Variants in ROM1 observed in about 807,000 individuals in gnomAD.
ROM1 encodes retinal outer segment membrane protein 1.
In ROM1, 17 loss-of-function variants were observed where a neutral mutation model predicts 23.0. That is an observed-to-expected ratio of 0.74 (90% CI 0.51 to 1.11). ROM1 has a LOEUF of 1.11. ROM1 is among the 50% of genes least tolerant of loss of function. The pLI is 0.00. For synonymous variants in ROM1, 200 were observed against 206.5 expected, an observed-to-expected ratio of 0.97 and a Z score of 0.27; for missense variants, 436 against 439.7, an observed-to-expected ratio of 0.99 and a Z score of 0.08.
At chr11:62,613,955 G>C in intron 1 of ROM1, 84 bp downstream of exon 1, 7 of 1,599,526 alleles carry the variant, frequency 4.4e-6, no homozygotes, top group Non-Finnish European at 5.1e-6. Flanking sequence ...ACCTCGCTCA[G>C]AGGGGCAATA....
chr11:62,614,269 G>C lies in ROM1; in HGVS notation c.602G>C (p.Ser201Thr), dbSNP rs772974449. The C allele has an allele frequency of 6.2e-7, 1 of 1,613,952 alleles. No homozygotes were observed. The highest frequency in any genetic ancestry group is 8.5e-7 in the Non-Finnish European group (1 of 1,180,010). Reference sequence around the variant, plus strand: ...CCCTCCCTTTGCAGCCGGATCCAGAGCAATGTAGAAGGCCTATACCTGACT... The same window carrying C: ...CCCTCCCTTTGCAGCCGGATCCAGACCAATGTAGAAGGCCTATACCTGACT... ...GDRDVADRIQ[S>T]NVEGLYLTDG... is the part of the protein sequence containing the mutation. The change falls in exon 2 of 3, where the codon AGC (serine) becomes ACC (threonine). Residue 201 changes from serine to threonine, a missense_variant. Coordinates refer to ENST00000278833, the MANE Select transcript of ROM1 (RefSeq NM_000327.4).
At position 62,613,392 on chromosome 11, in the gene ROM1, C is replaced by A. The variant is rs1250597643; in HGVS notation, c.111C>A (p.Leu37=). The stretch of plus-strand genomic sequence containing the variant: ...CGCTGGCTGGTGGCGTCATCCTCCT[C>A]TGTAGTGGGCACCTCCTGGTCCAGC... The part of the protein sequence containing the change: ...LLALAGGVIL[L]CSGHLLVQLR... The change falls in exon 1 of 3, where the codon CTC becomes CTA. Residue 37 remains leucine, a synonymous_variant. Coordinates refer to ENST00000278833, the MANE Select transcript of ROM1 (RefSeq NM_000327.4). The A allele has an allele frequency of 1.2e-6, 2 of 1,613,482 alleles. No individual in the cohort carries two copies.
In ROM1 at chr11:62,613,620, G is replaced by T. The variant is rs757153881; in HGVS notation, c.339G>T (p.Gly113=). Residue 113 remains glycine (G), a synonymous_variant, in exon 1 of 3, where the codon GGG becomes GGT. Coordinates refer to ENST00000278833, the MANE Select transcript of ROM1 (RefSeq NM_000327.4). ...LLVAGTAGGG[G]LLVVGLGLAL... is the part of the protein sequence containing the mutation. ...TGGCTGGCACGGCTGGTGGGGGGGG[G>T]CTCCTGGTCGTCGGCCTCGGGCTAG... 1.9e-6 allele frequency: 3 copies of T among 1,612,762 alleles called. No individual in the cohort carries two copies. Among genetic ancestry groups the T allele is most frequent in the Admixed American group, 3.3e-5 (2 of 59,944 alleles).
Position 62,613,406 on chromosome 11 carries a change from T to A in ROM1, c.125T>A (p.Leu42His), listed in dbSNP as rs774197509. The A allele has an allele frequency of 6.2e-7, 1 of 1,613,380 alleles. No homozygotes were observed. The highest frequency in any genetic ancestry group is 1.7e-5 in the Admixed American group (1 of 59,920). Residue 42 changes from leucine (L) to histidine (H), a missense_variant, in exon 1 of 3, where the codon CTC (leucine) becomes CAC (histidine). Transcript: ENST00000278833. ...GGVILLCSGH[L>H]LVQLRHLGTF... ...GTCATCCTCCTCTGTAGTGGGCACCTCCTGGTCCAGCTAAGGCACCTTGGC... is the reference window on the plus strand; with the variant it reads ...GTCATCCTCCTCTGTAGTGGGCACCACCTGGTCCAGCTAAGGCACCTTGGC...
rs1942934256 is a variant in ROM1, at chr11:62,613,348, C to T, written c.67C>T (p.Leu23Phe). The T allele has an allele frequency of 6.2e-7, 1 of 1,613,556 alleles. No homozygotes were observed. Among genetic ancestry groups the T allele is most frequent in the Non-Finnish European group, 8.5e-7 (1 of 1,179,864 alleles). Residue 23 changes from leucine to phenylalanine, a missense_variant, in exon 1 of 3, where the codon CTC (leucine) becomes TTC (phenylalanine). Leu to Phe is a conservative substitution (Grantham distance 22). Transcript: ENST00000278833. The stretch of plus-strand genomic sequence containing the variant: ...CATCCGCCTGGCACAAGGGCTCTGG[C>T]TCCTCTCCTGGCTGCTGGCGCTGGC... ...PRIRLAQGLW[L>F]LSWLLALAGG...
Position 62,614,598 on chromosome 11 carries a change from C to T in ROM1, c.838-23C>T, listed in dbSNP as rs372900255. 84 of 1,614,234 alleles carry T rather than the reference C, an allele frequency of 5.2e-5. No individual in the cohort carries two copies. The African/African-American group carries it at 9.6e-4, about 18-fold the overall frequency. On this transcript the variant is annotated intron_variant, in intron 2 of 2. Coordinates refer to ENST00000278833, the MANE Select transcript of ROM1 (RefSeq NM_000327.4). ...TTGGAACCGCTGACTCTCCCTGACT[C>T]TTTCCCCTTGCTTCCCCCACAGGCT... is the stretch of plus-strand genomic sequence containing the variant.
Position 62,613,378 on chromosome 11 carries a change from G to C in ROM1, c.97G>C (p.Gly33Arg). The C allele has an allele frequency of 6.2e-7, 1 of 1,613,626 alleles. No homozygotes were observed. The highest frequency in any genetic ancestry group is 8.5e-7 in the Non-Finnish European group (1 of 1,179,812). The change falls in exon 1 of 3, where the codon GGC becomes CGC. Residue 33 changes from glycine to arginine, a missense_variant. Physicochemically the swap from Gly to Arg is moderately radical, Grantham distance 125 (BLOSUM62 -2). Coordinates refer to ENST00000278833, the MANE Select transcript of ROM1 (RefSeq NM_000327.4). ...LLSWLLALAG[G>R]VILLCSGHLL... ...CTCCTGGCTGCTGGCGCTGGCTGGT[G>C]GCGTCATCCTCCTCTGTAGTGGGCA...
Position 62,614,371 on chromosome 11 carries a change from C to A in ROM1, c.704C>A (p.Ala235Asp). The A allele has an allele frequency of 3.1e-6, 5 of 1,614,110 alleles. No homozygotes were observed. The highest frequency in any genetic ancestry group is 2.5e-6 in the Non-Finnish European group (3 of 1,180,020). Residue 235 changes from alanine to aspartate, a missense_variant, in exon 2 of 3, where the codon GCC becomes GAC. Ala to Asp is a moderately radical substitution (Grantham distance 126). Transcript: ENST00000278833. ...CAAAACCGTCTTTCAGACTCCTACG[C>A]CCACCCCCTGTTCGATCCCCGACAA... ...CLQNRLSDSYAHPLFDPRQPN... is the reference protein window; with the variant it reads ...CLQNRLSDSYDHPLFDPRQPN...
In ROM1 at chr11:62,614,521, T is replaced by A; in HGVS notation, c.837+17T>A. ...CTACTGCAGGTGAGTCAGCAAAGCATCTGACACCTCCTCCCACCCGGGACT... is the reference window on the plus strand; with the variant it reads ...CTACTGCAGGTGAGTCAGCAAAGCAACTGACACCTCCTCCCACCCGGGACT... On this transcript the variant is annotated intron_variant, in intron 2 of 2. Coordinates refer to ENST00000278833, the MANE Select transcript of ROM1 (RefSeq NM_000327.4). 6.2e-7 allele frequency: 1 copy of A among 1,614,132 alleles called. No individual in the cohort carries two copies. Among genetic ancestry groups the A allele is most frequent in the Non-Finnish European group, 8.5e-7 (1 of 1,180,016 alleles).
At chr11:62,614,106 G>A (rs1942968868) in intron 1 of ROM1, 152 bp from the exon 2 acceptor site, 2 of 1,189,456 alleles carry the variant, frequency 1.7e-6, no homozygotes, top group South Asian at 1.3e-5. Flanking sequence ...TAGAGTTGTT[G>A]TGAAGATGTG....
In ROM1 at chr11:62,613,583, GC is replaced by G. The variant is rs747763346; in HGVS notation, c.305del (p.Pro102ArgfsTer20). 6.2e-7 allele frequency: 1 copy of G among 1,613,318 alleles called. No homozygotes were observed. Among genetic ancestry groups the G allele is most frequent in the Non-Finnish European group, 8.5e-7 (1 of 1,179,708 alleles). On this transcript the variant is annotated frameshift_variant, in exon 1 of 3. Transcript: ENST00000278833. LOFTEE classifies it high-confidence loss of function. ...ALYPPWRGVLGPLLVAGTAGG... is the reference protein window; with the variant it reads ...ALYPPWRGVLXPLLVAGTAGG... The stretch of plus-strand genomic sequence containing the variant: ...TACCCTCCCTGGCGAGGGGTCCTGG[GC>G]CCGCTGCTGGTGGCTGGCACGGCTG...
Position 62,613,744 on chromosome 11 carries a change from G to T in ROM1, c.463G>T (p.Ala155Ser), listed in dbSNP as rs748591229. 2 of 1,614,194 alleles carry T rather than the reference G, an allele frequency of 1.2e-6. No individual in the cohort carries two copies. Among genetic ancestry groups the T allele is most frequent in the Non-Finnish European group, 1.7e-6 (2 of 1,180,032 alleles). The change falls in exon 1 of 3, where the codon GCC (alanine) becomes TCC (serine). Residue 155 changes from alanine to serine, a missense_variant. Ala to Ser is a moderately conservative substitution (Grantham distance 99). Coordinates refer to ENST00000278833, the MANE Select transcript of ROM1 (RefSeq NM_000327.4). The part of the protein sequence containing the change: ...KDTEVPGHCQ[A>S]KRLVDELQLR... ...CACAGAGGTGCCTGGGCACTGTCAG[G>T]CCAAAAGGCTGGTGGATGAGCTGCA...
chr11:62,614,804 G>A lies in ROM1; in HGVS notation c.1021G>A (p.Glu341Lys), dbSNP rs1397737732. The change falls in exon 3 of 3, where the codon GAA (glutamate) becomes AAA (lysine). Residue 341 changes from glutamate (E) to lysine (K), a missense_variant. Transcript: ENST00000278833. ...AGCACCTGAGGAGGCCCCACCAGGA[G>A]AAGCACCTCCCAAGGAGGATCTATC... Reference protein sequence around the residue: ...RPAPEEAPPGEAPPKEDLSEA With the variant: ...RPAPEEAPPGKAPPKEDLSEA 3.1e-6 allele frequency: 5 copies of A among 1,614,174 alleles called. No homozygotes were observed. The highest frequency in any genetic ancestry group is 4.2e-6 in the Non-Finnish European group (5 of 1,180,018).
chr11:62,613,289 C>T lies in ROM1; in HGVS notation c.8C>T (p.Pro3Leu), dbSNP rs779471039. ...CTTGGGCAGAGATGGGAGATGGCGC[C>T]GGTGTTGCCCCTGGTGCTGCCCCTG... MA[P>L]VLPLVLPLQP... The change falls in exon 1 of 3, where the codon CCG becomes CTG. Residue 3 changes from proline to leucine, a missense_variant. By Grantham distance (98) the Pro-to-Leu change is moderately conservative. Transcript: ENST00000278833. 71 of 1,603,630 alleles carry T rather than the reference C, an allele frequency of 4.4e-5. No homozygotes were observed. Among genetic ancestry groups the T allele is most frequent in the Non-Finnish European group, 4.8e-5 (56 of 1,176,978 alleles).
rs368454807 is a variant in ROM1, at chr11:62,614,206, C to T, written c.591-52C>T. On this transcript the variant is annotated intron_variant, in intron 1 of 2. Coordinates refer to ENST00000278833, the MANE Select transcript of ROM1 (RefSeq NM_000327.4). Reference sequence around the variant, plus strand: ...GAACACCTGTGCCCTTCAGTCCCTCCCCCAGGCCTCTATCTCCAGACATCC... The same window carrying T: ...GAACACCTGTGCCCTTCAGTCCCTCTCCCAGGCCTCTATCTCCAGACATCC... 1.5e-4 allele frequency: 240 copies of T among 1,609,558 alleles called. No individual in the cohort carries two copies. In the African/African-American group the frequency reaches 2.8e-3, roughly 19 times the overall value.
chr11:62,613,291 G>C lies in ROM1; in HGVS notation c.10G>C (p.Val4Leu), dbSNP rs1942929918. 2 of 1,605,502 alleles carry C rather than the reference G, an allele frequency of 1.2e-6. No individual in the cohort carries two copies. Among genetic ancestry groups the C allele is most frequent in the Non-Finnish European group, 1.7e-6 (2 of 1,177,640 alleles). Reference sequence around the variant, plus strand: ...TGGGCAGAGATGGGAGATGGCGCCGGTGTTGCCCCTGGTGCTGCCCCTGCA... The same window carrying C: ...TGGGCAGAGATGGGAGATGGCGCCGCTGTTGCCCCTGGTGCTGCCCCTGCA... Reference protein sequence around the residue: MAPVLPLVLPLQPR... With the variant: MAPLLPLVLPLQPR... The change falls in exon 1 of 3, where the codon GTG becomes CTG. Residue 4 changes from valine (V) to leucine (L), a missense_variant. Transcript: ENST00000278833.
At position 62,614,285 on chromosome 11, in the gene ROM1, A is replaced by G; in HGVS notation, c.618A>G (p.Leu206=). The G allele has an allele frequency of 6.2e-7, 1 of 1,614,072 alleles. No individual in the cohort carries two copies. The highest frequency in any genetic ancestry group is 8.5e-7 in the Non-Finnish European group (1 of 1,180,014). The stretch of plus-strand genomic sequence containing the variant: ...GGATCCAGAGCAATGTAGAAGGCCT[A>G]TACCTGACTGATGGGGTCCCTTTCT... ...ADRIQSNVEG[L]YLTDGVPFSC... is the part of the protein sequence containing the mutation. The change falls in exon 2 of 3, where the codon CTA becomes CTG. Residue 206 remains leucine, a synonymous_variant. Transcript: ENST00000278833.
Position 62,614,684 on chromosome 11 carries a change from G to A in ROM1, c.901G>A (p.Asp301Asn). Residue 301 changes from aspartate (D) to asparagine (N), a missense_variant, in exon 3 of 3, where the codon GAT (aspartate) becomes AAT (asparagine). Transcript: ENST00000278833. ...ACTGGAGGGGCTTGGAGGGGTCATT[G>A]ATGCGGGAGGAGAGACCCAGGGCTA... ...TALEGLGGVI[D>N]AGGETQGYLF... 2 of 1,614,220 alleles carry A rather than the reference G, an allele frequency of 1.2e-6. No individual in the cohort carries two copies. The highest frequency in any genetic ancestry group is 1.7e-6 in the Non-Finnish European group (2 of 1,180,030).
In ROM1 at chr11:62,615,090, T is replaced by C. The variant is rs1942995945; in HGVS notation, c.*251T>C. The C allele has an allele frequency of 3.7e-6, 2 of 539,818 alleles. No homozygotes were observed. Among genetic ancestry groups the C allele is most frequent in the Non-Finnish European group, 6.6e-6 (2 of 301,314 alleles). The allele number at this position is 539,818 out of a possible 1,614,324, so 33.4% of individuals were successfully genotyped here. On this transcript the variant is annotated 3_prime_UTR_variant, in exon 3 of 3. Coordinates refer to ENST00000278833, the MANE Select transcript of ROM1 (RefSeq NM_000327.4). The stretch of plus-strand genomic sequence containing the variant: ...GAAGGCCTGGAGGCTGATTCTGATA[T>C]AGACTCAATAAAGTTTTTGGATGGA...
Sources: allele counts gnomAD v4.1 joint callset, GRCh38; gene constraint gnomAD v4.1.1; transcripts MANE v1.5; gene names NCBI Gene and HGNC (gene_info 2026-07-23, HGNC 2026-07-21).